WDR7: variants seen among roughly 807,000 people sequenced by gnomAD.
The protein encoded by WDR7 is WD repeat domain 7, also known as WD repeat-containing protein 7.
A neutral mutation model predicts 169.4 loss-of-function variants in WDR7; 46 were observed. The ratio of observed to expected loss-of-function variants is 0.27; its 90% CI spans 0.21 to 0.35. The LOEUF is 0.35. Among genes scored for constraint, WDR7 ranks in the 10% least tolerant of loss-of-function variants. The pLI, the probability that WDR7 is intolerant of heterozygous loss-of-function variation, is 1.00. For synonymous variants in WDR7, 612 were observed against 666.8 expected, an observed-to-expected ratio of 0.92 and a Z score of 1.27; for missense variants, 1,534 against 1,859.3, an observed-to-expected ratio of 0.83 and a Z score of 3.22.
the WDR7 span, chr18:57,036,480 C>T: frequency 6.6e-6 from 1 of 152,456 alleles, no homozygotes; most frequent in Non-Finnish European, 1.5e-5. Context: ...TTCATAGCTC[C>T]CAGCGCATTT....
chr18:56,810,219 C>G (rs779676060), intron 19 of WDR7, among the ~76,000 whole-genome samples: 1 of 152,082 alleles, frequency 6.6e-6, no homozygotes, highest in Non-Finnish European at 1.5e-5. Context: ...AAGCACCTAT[C>G]AGATTTTCCT....
At chr18:56,680,290 T>C (rs761157013) in intron 3 of WDR7, among the ~76,000 whole-genome samples, 6 of 152,106 alleles carry the variant, frequency 3.9e-5, no homozygotes, top group South Asian at 4.2e-4. Context: ...CCCAGGAGAT[T>C]GAGGCTGTTA....
chr18:57,033,878 T>A (rs1176872938), downstream of WDR7: 1 of 151,880 alleles, frequency 6.6e-6, no homozygotes, highest in Non-Finnish European at 1.5e-5. Flanking sequence ...TGAGGTGTGG[T>A]GGCTCATGCC....
intron 16 of WDR7, among the ~76,000 whole-genome samples, chr18:56,775,589 C>T (rs988194209): frequency 6.6e-6 from 1 of 152,002 alleles, no homozygotes; most frequent in African/African-American, 2.4e-5. Context: ...AAAATCAGAT[C>T]TCTTATAATA....
At chr18:56,798,476 A>G (rs2044620752) in intron 19 of WDR7, among the ~76,000 whole-genome samples, 1 of 152,172 alleles carries the variant, frequency 6.6e-6, no homozygotes, top group Admixed American at 6.5e-5. Flanking sequence ...TCTAAACAGG[A>G]CAGCCCTTGC....
In WDR7 at chr18:56,717,997, A is replaced by G. The variant is rs1172766883; in HGVS notation, c.1612A>G (p.Ser538Gly). ...ACAGCACTGCATCTGCTCTGTAGCC[A>G]GTGACCACTCAGTAGGACTTCTAAG... is the stretch of plus-strand genomic sequence containing the variant. The part of the protein sequence containing the change: ...RVQHCICSVA[S>G]DHSVGLLSLR... Residue 538 changes from serine to glycine, a missense_variant, in exon 13 of 28, where the codon AGT becomes GGT. Physicochemically the swap from Ser to Gly is moderately conservative, Grantham distance 56. Coordinates refer to ENST00000254442, the MANE Select transcript of WDR7 (RefSeq NM_015285.3). The G allele has an allele frequency of 6.2e-7, 1 of 1,614,100 alleles. No individual in the cohort carries two copies. Among genetic ancestry groups the G allele is most frequent in the Non-Finnish European group, 8.5e-7 (1 of 1,179,972 alleles).
intron 20 of WDR7, among the ~76,000 whole-genome samples, chr18:56,832,016 C>T (rs779902881): frequency 1.4e-4 from 21 of 152,142 alleles, no homozygotes; most frequent in Non-Finnish European, 2.2e-4. Flanking sequence ...GGAAAGAGGG[C>T]TGAAGCCAGG....
intron 14 of WDR7, among the ~76,000 whole-genome samples, chr18:56,732,782 A>G (rs1473346016): frequency 6.6e-6 from 1 of 152,180 alleles, no homozygotes; most frequent in African/African-American, 2.4e-5. Context: ...GTTACTTCCA[A>G]GGAATCTTGT....
intron 14 of WDR7, among the ~76,000 whole-genome samples, chr18:56,750,005 G>C (rs968419887): frequency 2.0e-5 from 3 of 151,444 alleles, no homozygotes; most frequent in African/African-American, 7.3e-5. Flanking sequence ...TACTGTGTAT[G>C]GGTGTGTGTG....
At position 56,686,742 on chromosome 18, in the gene WDR7, A is replaced by T. The variant is rs894998256; in HGVS notation, c.598-113A>T. On this transcript the variant is annotated intron_variant, in intron 6 of 27. Coordinates refer to ENST00000254442, the MANE Select transcript of WDR7 (RefSeq NM_015285.3). Reference sequence around the variant, plus strand: ...CGTGGCGCTTACCTGAGGGGCTAAAATGATGAACATATGAAGCGATGCCTT... The same window carrying T: ...CGTGGCGCTTACCTGAGGGGCTAAATTGATGAACATATGAAGCGATGCCTT... The T allele has an allele frequency of 2.1e-5, 19 of 911,264 alleles. No individual in the cohort carries two copies. In the African/African-American group the frequency reaches 2.4e-4, roughly 12 times the overall value. 56.4% of individuals were successfully genotyped at this position (911,264 alleles called of 1,614,324 possible).
At chr18:56,871,833 A>G (rs898114107) in intron 20 of WDR7, among the ~76,000 whole-genome samples, 1 of 152,094 alleles carries the variant, frequency 6.6e-6, no homozygotes, top group African/African-American at 2.4e-5. Context: ...TTATGTTTTC[A>G]ATATGGTTAT....
chr18:56,970,190 C>T (rs976344285), intron 26 of WDR7, among the ~76,000 whole-genome samples: 1 of 151,554 alleles, frequency 6.6e-6, no homozygotes, highest in Non-Finnish European at 1.5e-5. Context: ...CTACTTCATA[C>T]TGGCTAGATC....
At chr18:56,990,854 C>G (rs1599225132) in intron 26 of WDR7, among the ~76,000 whole-genome samples, 1 of 152,214 alleles carries the variant, frequency 6.6e-6, no homozygotes, top group East Asian at 1.9e-4. Context: ...ATTTCAATCT[C>G]AGCTTTTCTC....
At chr18:56,908,752 T>A (rs956001390) in intron 21 of WDR7, among the ~76,000 whole-genome samples, 8 of 152,328 alleles carry the variant, frequency 5.3e-5, no homozygotes, top group Non-Finnish European at 7.4e-5. Context: ...GCACAGGACC[T>A]ACCAGGTGGA....
chr18:56,796,138 A>G (rs573511732), intron 19 of WDR7, among the ~76,000 whole-genome samples: 1 of 152,340 alleles, frequency 6.6e-6, no homozygotes, highest in African/African-American at 2.4e-5. Context: ...CAATTTCTAT[A>G]GAGATATAAT....
chr18:56,682,523 A>T (rs1006990183), intron 4 of WDR7, among the ~76,000 whole-genome samples, 156 bp from the exon 5 acceptor site: 1 of 152,230 alleles, frequency 6.6e-6, no homozygotes. Flanking sequence ...ACATACACCC[A>T]TATAATATGT....
At chr18:56,666,076 G>A (rs904648688) in intron 1 of WDR7, among the ~76,000 whole-genome samples, 5 of 152,200 alleles carry the variant, frequency 3.3e-5, no homozygotes, top group East Asian at 1.9e-4. Flanking sequence ...ATCCTTAGTG[G>A]TGCTGACAAC....
chr18:56,895,358 T>G (rs1462081602), intron 21 of WDR7, among the ~76,000 whole-genome samples: 3 of 151,842 alleles, frequency 2.0e-5, no homozygotes, highest in Non-Finnish European at 4.4e-5. Context: ...AAAAAAAAAT[T>G]TTTAAAGGCT....
chr18:56,808,272 A>C (rs2044810133), intron 19 of WDR7, among the ~76,000 whole-genome samples: 1 of 152,160 alleles, frequency 6.6e-6, no homozygotes, highest in African/African-American at 2.4e-5. Flanking sequence ...CCTTATTGTT[A>C]AATTTTACCT....
Sources: gnomAD v4.1 joint callset for allele counts (sites outside exome capture counted in the v4.1 genomes callset) on GRCh38, gnomAD v4.1.1 for gene constraint, MANE v1.5 for transcripts, NCBI Gene and HGNC (gene_info 2026-07-23, HGNC 2026-07-21) for gene names.